EML5: variants seen among roughly 807,000 people sequenced by gnomAD.
EML5 encodes the protein echinoderm microtubule-associated protein-like 5.
Under a neutral mutation model 250.0 loss-of-function variants are expected in EML5, and 120 were observed. The observed-to-expected ratio is 0.48, with a 90% CI of 0.41 to 0.56. The LOEUF (loss-of-function observed/expected upper bound fraction) is 0.56. Ranked by LOEUF, EML5 falls within the 20% of genes least tolerant of loss-of-function variation. The pLI, the probability that EML5 is intolerant of heterozygous loss-of-function variation, is 0.00. For missense variants in EML5, 2,006 were observed against 2,437.6 expected (o/e 0.82, Z 3.73); for synonymous variants, 771 against 806.5 (o/e 0.96, Z 0.75).
chr14:88,640,960 TATG>T (rs1362825180), intron 31 of EML5, among the ~76,000 whole-genome samples: 2 of 151,896 alleles, frequency 1.3e-5, no homozygotes, highest in East Asian at 1.9e-4. Context: ...ATCTAGAGGC[TATG>T]ATGTTAGTTG....
intron 20 of EML5, among the ~76,000 whole-genome samples, chr14:88,682,488 GAAAATCTGTT>G (rs1190554202): frequency 6.6e-6 from 1 of 151,704 alleles, no homozygotes; most frequent in African/African-American, 2.4e-5. Context: ...ATTTACTCAA[GAAAATCTGTT>G]AAAATTTGTT....
At chr14:88,738,081 G>C (rs1171818128) in intron 6 of EML5, among the ~76,000 whole-genome samples, 1 of 152,082 alleles carries the variant, frequency 6.6e-6, no homozygotes, top group East Asian at 1.9e-4. Context: ...CAATGTTCTT[G>C]TGAGGATCAG....
intron 1 of EML5, among the ~76,000 whole-genome samples, chr14:88,783,325 A>C (rs1374452463): frequency 6.6e-6 from 1 of 152,158 alleles, no homozygotes; most frequent in Non-Finnish European, 1.5e-5. Context: ...AATGTAAAGG[A>C]CTAAAATCTC....
Position 88,738,920 on chromosome 14 carries a change from A to C in EML5, c.806T>G (p.Ile269Ser). 6.3e-7 allele frequency: 1 copy of C among 1,591,474 alleles called. No individual in the cohort carries two copies. Among genetic ancestry groups the C allele is most frequent in the Non-Finnish European group, 8.6e-7 (1 of 1,168,074 alleles). ...IRLWDLTFKP[I>S]TVIDLRETDQ... ...TGTTTCCCTGAGATCAATCACAGTA[A>C]TTGGTTTAAAAGTTAAATCCCAAAG... Residue 269 changes from isoleucine to serine, a missense_variant, in exon 6 of 44, where the codon ATT becomes AGT. Physicochemically the swap from Ile to Ser is moderately radical, Grantham distance 142 (BLOSUM62 -2). Coordinates refer to ENST00000554922, the MANE Select transcript of EML5 (RefSeq NM_183387.3).
At chr14:88,791,024 C>CA (rs557255171) in intron 1 of EML5, among the ~76,000 whole-genome samples, 13 of 151,882 alleles carry the variant, frequency 8.6e-5, no homozygotes, top group Non-Finnish European at 1.5e-4. Context: ...CAAAAACAAA[C>CA]AAAAAAAACC....
rs796440904 is a variant in EML5, at chr14:88,663,771, G to A, written c.3410-652C>T. Reference sequence around the variant, plus strand: ...GCTGGTCTCAAACTCCTGGGCTCAAGCAGTCCTCCAGCCTTGGCCTCCCAA... The same window carrying A: ...GCTGGTCTCAAACTCCTGGGCTCAAACAGTCCTCCAGCCTTGGCCTCCCAA... On this transcript the variant is annotated intron_variant, in intron 23 of 43. Coordinates refer to ENST00000554922, the MANE Select transcript of EML5 (RefSeq NM_183387.3). Among the ~76,000 whole-genome samples, 32 of 151,506 alleles carry A rather than the reference G, an allele frequency of 2.1e-4. 1 individual carries two copies. Among genetic ancestry groups the A allele is most frequent in the African/African-American group, 7.5e-4 (31 of 41,298 alleles).
Position 88,622,658 on chromosome 14 carries a change from G to A in EML5, c.4959C>T (p.Phe1653=). 1 of 1,611,524 alleles carries A rather than the reference G, an allele frequency of 6.2e-7. No individual in the cohort carries two copies. The highest frequency in any genetic ancestry group is 1.1e-5 in the South Asian group (1 of 90,406). Reference sequence around the variant, plus strand: ...CTGTGGCTTGTCCTGTCTCAAGCCTGAAGGCACGGCACCGCCTCAGTTCCT... The same window carrying A: ...CTGTGGCTTGTCCTGTCTCAAGCCTAAAGGCACGGCACCGCCTCAGTTCCT... ...WDQELRRCRA[F]RLETGQATDC... Residue 1653 remains phenylalanine (F), a synonymous_variant, in exon 37 of 44, where the codon TTC becomes TTT. Transcript: ENST00000554922.
chr14:88,687,022 G>A (rs1328846276), intron 19 of EML5, among the ~76,000 whole-genome samples, 194 bp downstream of exon 19: 67 of 152,156 alleles, frequency 4.4e-4, no homozygotes, highest in Admixed American at 4.4e-3. Context: ...ATTTTACCAT[G>A]TGTATCATAG....
intron 19 of EML5, among the ~76,000 whole-genome samples, chr14:88,686,727 C>G (rs1356781661): frequency 6.6e-6 from 1 of 152,092 alleles, no homozygotes; most frequent in African/African-American, 2.4e-5. Flanking sequence ...AGGAGGACCA[C>G]TTGAGTCTAG....
At chr14:88,695,709 G>A (rs1008619002) in intron 15 of EML5, among the ~76,000 whole-genome samples, 19 of 151,990 alleles carry the variant, frequency 1.3e-4, no homozygotes, top group African/African-American at 4.3e-4. Flanking sequence ...GGTTGGGATG[G>A]GAGGAGGGAG....
intron 32 of EML5, among the ~76,000 whole-genome samples, chr14:88,638,133 C>T (rs967907788): frequency 4.6e-5 from 7 of 152,158 alleles, no homozygotes; most frequent in Admixed American, 1.3e-4. Flanking sequence ...ATTTTACAAA[C>T]GTATTGAAGT....
rs551104886 is a variant in EML5 at position 88,714,949 on chromosome 14, A to G, written c.1434T>C (p.Tyr478=). 6.2e-6 allele frequency: 10 copies of G among 1,611,840 alleles called. No homozygotes were observed. In the African/African-American group the frequency reaches 8.0e-5, roughly 13 times the overall value. Residue 478 remains tyrosine, a synonymous_variant, in exon 9 of 44, where the codon TAT becomes TAC. Transcript: ENST00000554922. The stretch of plus-strand genomic sequence containing the variant: ...GCTAGAAATTGTTACCTGGCATTCT[A>G]TAAAAAAGTCTTTTCCCATTTCCAT... The part of the protein sequence containing the change: ...TNDGNGKRLF[Y]RMPGGKEVTS...
At position 88,792,269 on chromosome 14, in the gene EML5, C is replaced by T. The variant is rs77336257; in HGVS notation, c.197+38G>A. ...CCGCGGGTGCAAACTCCGGGAGCGGCTTGCAGGGTGACGGCGGCGGCCCCC... is the reference window on the plus strand; with the variant it reads ...CCGCGGGTGCAAACTCCGGGAGCGGTTTGCAGGGTGACGGCGGCGGCCCCC... On this transcript the variant is annotated intron_variant, in intron 1 of 43. Transcript: ENST00000554922. The surrounding 1 kb of genome is among the most constrained non-coding windows in gnomAD (Gnocchi z 6.9). 0.033 allele frequency: 51,130 copies of T among 1,531,456 alleles called. 3,929 individuals are homozygous for T. Among genetic ancestry groups the T allele is most frequent in the East Asian group, 0.24 (9,397 of 39,208 alleles). The allele number at this position is 1,531,456 out of a possible 1,614,324, so 94.9% of individuals were successfully genotyped here.
intron 8 of EML5, among the ~76,000 whole-genome samples, chr14:88,718,020 A>G (rs985500107): frequency 6.6e-6 from 1 of 152,214 alleles, no homozygotes; most frequent in Admixed American, 6.5e-5. Flanking sequence ...CAAAATCAAC[A>G]GGATGTGGTG....
intron 20 of EML5, among the ~76,000 whole-genome samples, chr14:88,683,149 G>T (rs1286759920): frequency 1.3e-5 from 2 of 152,250 alleles, no homozygotes; most frequent in East Asian, 3.8e-4. Context: ...TCCAGAATTT[G>T]TAAAAAATCT....
chr14:88,675,965 C>T (rs753307139), intron 21 of EML5, among the ~76,000 whole-genome samples: 4 of 152,186 alleles, frequency 2.6e-5, no homozygotes, highest in African/African-American at 4.8e-5. Context: ...AGTTCCTCAT[C>T]TCCATCTGAG....
chr14:88,650,039 G>A (rs1464213554), intron 27 of EML5, 113 bp from the exon 28 acceptor site: 4 of 664,520 alleles, frequency 6.0e-6, no homozygotes, highest in Non-Finnish European at 9.2e-6. Context: ...GAATTTTAAG[G>A]AAATACAAAA....
chr14:88,640,748 C>A (rs2091016671), intron 31 of EML5, among the ~76,000 whole-genome samples: 1 of 151,798 alleles, frequency 6.6e-6, no homozygotes, highest in South Asian at 2.1e-4. Flanking sequence ...AACATCTATA[C>A]AAAGAATCAA....
At chr14:88,661,358 T>C (rs2092094294) in intron 25 of EML5, among the ~76,000 whole-genome samples, 1 of 152,216 alleles carries the variant, frequency 6.6e-6, no homozygotes, top group South Asian at 2.1e-4. Context: ...CCCAAAGTAC[T>C]ATACTGGGAT....
Sources: allele counts gnomAD v4.1 joint callset (sites outside exome capture counted in the v4.1 genomes callset), GRCh38; gene constraint gnomAD v4.1.1; non-coding constraint Gnocchi (gnomAD v3.1); transcripts MANE v1.5; gene names NCBI Gene and HGNC (gene_info 2026-07-23, HGNC 2026-07-21).